Variants in RAD51B observed in about 807,000 individuals in gnomAD.
RAD51B encodes the protein DNA repair protein RAD51 homolog 2.
Under a neutral mutation model 42.2 loss-of-function variants are expected in RAD51B, and 38 were observed. The ratio of observed to expected loss-of-function variants is 0.90; its 90% CI spans 0.70 to 1.18. RAD51B has a LOEUF of 1.18. Ranked by LOEUF, RAD51B falls within the 50% of genes most tolerant of loss-of-function variation. The pLI is 0.00. For missense variants in RAD51B, 373 were observed against 400.7 expected, an observed-to-expected ratio of 0.93 and a Z score of 0.59; for synonymous variants, 154 against 145.2, an observed-to-expected ratio of 1.06 and a Z score of -0.43.
chr14:68,285,535 A>G (rs2081397601), intron 7 of RAD51B, among the ~76,000 whole-genome samples: 1 of 152,196 alleles, frequency 6.6e-6, no homozygotes, highest in African/African-American at 2.4e-5. Context: ...CTCTCTGGCC[A>G]CCCAGATTAT....
chr14:68,468,568 A>C (rs543854042), intron 10 of RAD51B: 2 of 383,194 alleles, frequency 5.2e-6, no homozygotes, highest in South Asian at 4.2e-5. Flanking sequence ...CTATGGCATG[A>C]AGTGGGCAAT....
chr14:67,885,549 A>T (rs1292642930), intron 5 of RAD51B, among the ~76,000 whole-genome samples: 1 of 152,232 alleles, frequency 6.6e-6, no homozygotes, highest in African/African-American at 2.4e-5. Flanking sequence ...TTTAGTAAAC[A>T]TATCTTATAG....
intron 11 of RAD51B, among the ~76,000 whole-genome samples, chr14:68,662,689 A>T (rs1320292575): frequency 6.6e-6 from 1 of 152,246 alleles, no homozygotes; most frequent in Non-Finnish European, 1.5e-5. Flanking sequence ...CCTCCAAAAA[A>T]GTACAGTGAG....
At chr14:68,393,146 T>A (rs1182803946) in intron 8 of RAD51B, among the ~76,000 whole-genome samples, 1 of 152,048 alleles carries the variant, frequency 6.6e-6, no homozygotes, top group Non-Finnish European at 1.5e-5. Flanking sequence ...GAGGAGGGGG[T>A]GAGCTCCGTG....
chr14:68,092,913 T>A (rs1237293928), intron 7 of RAD51B, among the ~76,000 whole-genome samples: 1 of 150,938 alleles, frequency 6.6e-6, no homozygotes, highest in African/African-American at 2.4e-5. Context: ...GCATGAAGGG[T>A]CGTTGAATTT....
chr14:68,465,226 TGTTTA>T (rs1284154067), intron 9 of RAD51B, among the ~76,000 whole-genome samples: 1 of 152,204 alleles, frequency 6.6e-6, no homozygotes, highest in East Asian at 1.9e-4. Context: ...TTTTTTTATA[TGTTTA>T]GTTTATTTTT....
chr14:68,308,579 T>G (rs1448756776), intron 8 of RAD51B, among the ~76,000 whole-genome samples: 1 of 151,982 alleles, frequency 6.6e-6, no homozygotes, highest in African/African-American at 2.4e-5. Flanking sequence ...TTTATAAAAT[T>G]ATTTAAGAAA....
At chr14:67,905,640 C>G (rs1440913162) in intron 7 of RAD51B, among the ~76,000 whole-genome samples, 1 of 151,990 alleles carries the variant, frequency 6.6e-6, no homozygotes, top group Non-Finnish European at 1.5e-5. Context: ...CCCTGGTTAG[C>G]TGTGTTCCTA....
At chr14:68,663,468 C>A (rs1208377541) in intron 11 of RAD51B, among the ~76,000 whole-genome samples, 2 of 152,228 alleles carry the variant, frequency 1.3e-5, no homozygotes, top group African/African-American at 4.8e-5. Context: ...CCTCCAGATA[C>A]TTTCTCTTTC....
chr14:68,590,683 C>T (rs1282798149), intron 10 of RAD51B, among the ~76,000 whole-genome samples: 1 of 152,178 alleles, frequency 6.6e-6, no homozygotes, highest in Non-Finnish European at 1.5e-5. Flanking sequence ...TGAAGTTAGA[C>T]CCATTACCCA....
chr14:68,542,095 G>A (rs1232106612), intron 10 of RAD51B, among the ~76,000 whole-genome samples: 2 of 152,100 alleles, frequency 1.3e-5, no homozygotes, highest in African/African-American at 4.8e-5. Context: ...GATGAAGTAA[G>A]CAATAGTTTA....
chr14:67,846,548 G>C (rs969651289), intron 4 of RAD51B, among the ~76,000 whole-genome samples: 1 of 152,144 alleles, frequency 6.6e-6, no homozygotes, highest in Non-Finnish European at 1.5e-5. Flanking sequence ...GCAGTCAGTG[G>C]TGGTCTGGTG....
intron 4 of RAD51B, among the ~76,000 whole-genome samples, chr14:67,864,256 G>A (rs1418360621): frequency 1.3e-5 from 2 of 152,088 alleles, no homozygotes; most frequent in Non-Finnish European, 2.9e-5. Context: ...ACTTGAATAT[G>A]GATATAATTA....
At chr14:68,384,233 G>A (rs2083542392) in intron 8 of RAD51B, among the ~76,000 whole-genome samples, 1 of 152,214 alleles carries the variant, frequency 6.6e-6, no homozygotes, top group South Asian at 2.1e-4. Context: ...TTTTAACAAA[G>A]TGCATAAATC....
At chr14:68,046,366 C>T (rs962276525) in intron 7 of RAD51B, among the ~76,000 whole-genome samples, 1 of 152,178 alleles carries the variant, frequency 6.6e-6, no homozygotes, top group Non-Finnish European at 1.5e-5. Flanking sequence ...ATCCTCCTGC[C>T]TTGGTCTCCG....
chr14:68,228,725 C>G (rs1041832910), intron 7 of RAD51B, among the ~76,000 whole-genome samples: 1 of 152,320 alleles, frequency 6.6e-6, no homozygotes, highest in East Asian at 1.9e-4. Flanking sequence ...TGTGGACACA[C>G]GTCAAATAAT....
intron 10 of RAD51B, among the ~76,000 whole-genome samples, chr14:68,632,987 T>C (rs1463146727): frequency 3.6e-5 from 4 of 111,032 alleles, no homozygotes; most frequent in Non-Finnish European, 7.6e-5. Flanking sequence ...TTTTTTTTTT[T>C]TTTTTTTTTT....
chr14:67,960,447 A>G (rs1395832817), intron 7 of RAD51B, among the ~76,000 whole-genome samples: 2 of 152,178 alleles, frequency 1.3e-5, no homozygotes, highest in African/African-American at 4.8e-5. Context: ...AGGAGAGCCT[A>G]TAGTTTTTAT....
At chr14:67,917,024 G>A (rs2044172885) in intron 7 of RAD51B, among the ~76,000 whole-genome samples, 1 of 152,198 alleles carries the variant, frequency 6.6e-6, no homozygotes, top group Admixed American at 6.5e-5. Flanking sequence ...GTAAGGGTTG[G>A]CATCGTTGAG....
Sources: gnomAD v4.1 joint callset for allele counts (sites outside exome capture counted in the v4.1 genomes callset) on GRCh38, gnomAD v4.1.1 for gene constraint, MANE v1.5 for transcripts, NCBI Gene and HGNC (gene_info 2026-07-23, HGNC 2026-07-21) for gene names.